The following C16orf46 variants were observed in gnomAD, a reference collection of about 807,000 sequenced individuals.
C16orf46 encodes the protein uncharacterized protein C16orf46.
C16orf46 carries 7 observed loss-of-function variants against 5.5 expected under a neutral mutation model. That is an observed-to-expected ratio of 1.28 (90% CI 0.73 to 2.40). The LOEUF (loss-of-function observed/expected upper bound fraction) is 2.40, where lower values mean the gene tolerates loss of function less well. Among genes scored for constraint, C16orf46 ranks in the 30% most tolerant of loss-of-function variants. C16orf46 has a pLI of 0.00. For missense variants in C16orf46, 614 were observed against 476.0 expected (o/e 1.29, Z -2.70); for synonymous variants, 200 against 184.1 (o/e 1.09, Z -0.70).
rs1448712196 is a variant in C16orf46, at chr16:81,062,072, T to G, written c.277A>C (p.Arg93=). The change falls in exon 4 of 4, where the codon AGG becomes CGG. Residue 93 remains arginine, a synonymous_variant. Coordinates refer to ENST00000299578, the MANE Select transcript of C16orf46 (RefSeq NM_152337.3). The part of the protein sequence containing the change: ...IWPRKIPKKA[R]VGEGACSDCL... ...TCGCTGCAGGCACCTTCCCCTACCCTCGCCTTTTTTGGTATCTTCCTCGGC... is the reference window on the plus strand; with the variant it reads ...TCGCTGCAGGCACCTTCCCCTACCCGCGCCTTTTTTGGTATCTTCCTCGGC... 5 of 1,611,150 alleles carry G rather than the reference T, an allele frequency of 3.1e-6. No homozygotes were observed. The African/African-American group carries it at 6.7e-5, about 22-fold the overall frequency.
At position 81,061,129 on chromosome 16, in the gene C16orf46, GTGCTT is replaced by G; in HGVS notation, c.*27_*31del. The G allele has an allele frequency of 1.9e-6, 3 of 1,549,238 alleles. No homozygotes were observed. The highest frequency in any genetic ancestry group is 1.7e-6 in the Non-Finnish European group (2 of 1,149,036). On this transcript the variant is annotated 3_prime_UTR_variant, in exon 4 of 4. Coordinates refer to ENST00000299578, the MANE Select transcript of C16orf46 (RefSeq NM_152337.3). ...AGAAAGGATGGCTGCATCTCAAACG[GTGCTT>G]ATTCCCAGGGGTTCTACCGCAACCG...
chr16:81,064,478 T>C (rs58144189), intron 2 of C16orf46, among the ~76,000 whole-genome samples: 11,913 of 152,148 alleles, frequency 0.078, 521 homozygotes, highest in East Asian at 0.2. Flanking sequence ...CCAGGAGTGA[T>C]GGCTCACACT....
At chr16:81,070,520 C>G (rs1018512983) in intron 1 of C16orf46, among the ~76,000 whole-genome samples, 1 of 152,024 alleles carries the variant, frequency 6.6e-6, no homozygotes, top group Non-Finnish European at 1.5e-5. Flanking sequence ...TTTTTTTAAA[C>G]AAAGGCACAC....
At chr16:81,068,555 A>G (rs1403701190) in intron 1 of C16orf46, among the ~76,000 whole-genome samples, 1 of 122,176 alleles carries the variant, frequency 8.2e-6, no homozygotes, top group Non-Finnish European at 1.6e-5. Context: ...GGGCCTTTGT[A>G]TTTCTTTGTA....
chr16:81,065,473 C>CAAA (rs11303086), intron 2 of C16orf46, among the ~76,000 whole-genome samples: 3 of 65,356 alleles, frequency 4.6e-5, no homozygotes, highest in Admixed American at 1.7e-4. Context: ...GAATCCGTCT[C>CAAA]AAAAAAAAAA....
chr16:81,057,337 T>C (rs900171690), downstream of C16orf46, among the ~76,000 whole-genome samples: 4 of 151,636 alleles, frequency 2.6e-5, no homozygotes, highest in Non-Finnish European at 4.4e-5. Flanking sequence ...TCATTTGAGG[T>C]CAGGAGTTTG....
At chr16:81,054,074 C>A (rs12928648) in exon 4 of C16orf46, 1 of 1,612,224 alleles carries the variant, frequency 6.2e-7, no homozygotes. Context: ...CCCTCTCCTA[C>A]TTTATCTTCT....
At chr16:81,065,440 C>T (rs75042669) in intron 2 of C16orf46, among the ~76,000 whole-genome samples, 5,304 of 146,116 alleles carry the variant, frequency 0.036, 322 homozygotes, top group African/African-American at 0.12. Context: ...TGCCACTGCA[C>T]TCCAGCCTGG....
intron 1 of C16orf46, among the ~76,000 whole-genome samples, chr16:81,068,862 C>G (rs570930603): frequency 6.6e-6 from 1 of 151,738 alleles, no homozygotes; most frequent in East Asian, 1.9e-4. Context: ...CCACCACGCC[C>G]GGCTAATTTT....
chr16:81,061,332 G>C lies in C16orf46; in HGVS notation c.1017C>G (p.Phe339Leu). 6.2e-7 allele frequency: 1 copy of C among 1,614,130 alleles called. No individual in the cohort carries two copies. ...CAGGAGATCTTGGCTCCTTGGCTTT[G>C]AATTTGGATTTGTAGCTTTGCACTC... is the stretch of plus-strand genomic sequence containing the variant. ...KRGVQSYKSK[F>L]KAKEPRSPVI... is the part of the protein sequence containing the mutation. The change falls in exon 4 of 4, where the codon TTC becomes TTG. Residue 339 changes from phenylalanine (F) to leucine (L), a missense_variant. By Grantham distance (22) the Phe-to-Leu change is conservative (BLOSUM62 0). Coordinates refer to ENST00000299578, the MANE Select transcript of C16orf46 (RefSeq NM_152337.3).
chr16:81,066,987 A>G (rs1391202470), intron 1 of C16orf46, among the ~76,000 whole-genome samples: 1 of 152,248 alleles, frequency 6.6e-6, no homozygotes, highest in Non-Finnish European at 1.5e-5. Flanking sequence ...TACACAAGCT[A>G]TTAAAGTGAT....
At chr16:81,059,377 C>A (rs1234006119), downstream of C16orf46, among the ~76,000 whole-genome samples, 15 of 148,610 alleles carry the variant, frequency 1.0e-4, no homozygotes, top group Admixed American at 9.4e-4. Context: ...ACAAAGACCA[C>A]TATGGAAGCA....
intron 1 of C16orf46, among the ~76,000 whole-genome samples, chr16:81,074,251 T>C (rs1971951588): frequency 6.6e-6 from 1 of 152,232 alleles, no homozygotes; most frequent in Admixed American, 6.5e-5. Flanking sequence ...ATGTGGTGCC[T>C]GGAACTGAAA....
downstream of C16orf46, among the ~76,000 whole-genome samples, chr16:81,057,202 A>G (rs139087672): frequency 6.6e-6 from 1 of 152,264 alleles, no homozygotes; most frequent in Non-Finnish European, 1.5e-5. Context: ...ATTGCTGTAA[A>G]TACAGCACCC....
chr16:81,074,023 C>G (rs933144363), intron 1 of C16orf46, among the ~76,000 whole-genome samples: 1 of 152,282 alleles, frequency 6.6e-6, no homozygotes, highest in East Asian at 1.9e-4. Flanking sequence ...ACTGAGTGCT[C>G]GTAACTTTAC....
chr16:81,055,822 G>A (rs1192195957), intron 3 of C16orf46, among the ~76,000 whole-genome samples: 1 of 152,188 alleles, frequency 6.6e-6, no homozygotes, highest in Non-Finnish European at 1.5e-5. Context: ...CCGGGTTCAA[G>A]CGACTCTCCT....
At position 81,061,986 on chromosome 16, in the gene C16orf46, C is replaced by T. The variant is rs906361568; in HGVS notation, c.363G>A (p.Gly121=). The change falls in exon 4 of 4, where the codon GGG becomes GGA. Residue 121 remains glycine, a synonymous_variant. Transcript: ENST00000299578. ...GGCTGCTCTGATCCTTCTCTGGGCC[C>T]CCCTCAGTAGGAGGCTTGGTCTGGA... is the stretch of plus-strand genomic sequence containing the variant. The part of the protein sequence containing the change: ...WSLQTKPPTE[G]GPEKDQSSPS... 1.9e-6 allele frequency: 3 copies of T among 1,614,118 alleles called. No homozygotes were observed. In the Admixed American group the frequency reaches 5.0e-5, roughly 27 times the overall value.
Position 81,062,156 on chromosome 16 carries a change from T to C in C16orf46, c.211-18A>G, listed in dbSNP as rs1341962173. ...CCTTGGACCTGCAAATAAAGCGGCA[T>C]GTTACTCCTCCAGCTGAGGGGCCCA... is the stretch of plus-strand genomic sequence containing the variant. On this transcript the variant is annotated intron_variant, in intron 3 of 3. Transcript: ENST00000299578. The C allele has an allele frequency of 1.3e-6, 2 of 1,538,020 alleles. No individual in the cohort carries two copies. Among genetic ancestry groups the C allele is most frequent in the Non-Finnish European group, 1.7e-6 (2 of 1,147,374 alleles).
In C16orf46 at chr16:81,062,092, C is replaced by T. The variant is rs1971502570; in HGVS notation, c.257G>A (p.Arg86Lys). The change falls in exon 4 of 4, where the codon AGG (arginine) becomes AAG (lysine). Residue 86 changes from arginine (R) to lysine (K), a missense_variant. Arg to Lys is a conservative substitution (Grantham distance 26). Coordinates refer to ENST00000299578, the MANE Select transcript of C16orf46 (RefSeq NM_152337.3). Reference sequence around the variant, plus strand: ...TACCCTCGCCTTTTTTGGTATCTTCCTCGGCCAGATGCAGGCAGCTGGAGA... The same window carrying T: ...TACCCTCGCCTTTTTTGGTATCTTCTTCGGCCAGATGCAGGCAGCTGGAGA... The part of the protein sequence containing the change: ...RTSPAACIWP[R>K]KIPKKARVGE... 2 of 1,606,988 alleles carry T rather than the reference C, an allele frequency of 1.2e-6. No individual in the cohort carries two copies. Among genetic ancestry groups the T allele is most frequent in the Non-Finnish European group, 1.7e-6 (2 of 1,179,382 alleles).
Sources: gnomAD v4.1 joint callset for allele counts (sites outside exome capture counted in the v4.1 genomes callset) on GRCh38, gnomAD v4.1.1 for gene constraint, MANE v1.5 for transcripts, NCBI Gene and HGNC (gene_info 2026-07-23, HGNC 2026-07-21) for gene names.